The following MECOM variants were observed in gnomAD, a reference collection of about 807,000 sequenced individuals.
MECOM encodes MDS1 and EVI1 complex locus.
Under a neutral mutation model 116.3 loss-of-function variants are expected in MECOM, and 13 were observed. The observed-to-expected ratio is 0.11, with a 90% CI of 0.07 to 0.18. The LOEUF is 0.18. Ranked by LOEUF, MECOM falls within the 10% of genes least tolerant of loss-of-function variation. MECOM has a pLI of 1.00. For synonymous variants in MECOM, 528 were observed against 535.2 expected, an observed-to-expected ratio of 0.99 and a Z score of 0.19; for missense variants, 1,299 against 1,509.0, an observed-to-expected ratio of 0.86 and a Z score of 2.31.
At chr3:169,264,834 C>T (rs1274989336) in intron 2 of MECOM, among the ~76,000 whole-genome samples, 2 of 152,194 alleles carry the variant, frequency 1.3e-5, no homozygotes, top group African/African-American at 4.8e-5. Flanking sequence ...CCTCATCCTG[C>T]CAACTGACAG....
At chr3:169,662,712 C>A (rs1776465559) in intron 1 of MECOM, among the ~76,000 whole-genome samples, 1 of 152,066 alleles carries the variant, frequency 6.6e-6, no homozygotes, top group Non-Finnish European at 1.5e-5. Context: ...TCGGCGCAGT[C>A]CACCCGCCCG....
At chr3:169,236,298 C>T (rs915847652) in intron 2 of MECOM, among the ~76,000 whole-genome samples, 2 of 152,192 alleles carry the variant, frequency 1.3e-5, no homozygotes. Context: ...GCACATAAAA[C>T]TTGGAAAGGA....
intron 1 of MECOM, chr3:169,466,955 G>A (rs1748411166): frequency 6.6e-6 from 1 of 152,130 alleles, no homozygotes; most frequent in Admixed American, 6.6e-5. Context: ...AAGCTTCTGG[G>A]TTCTCAACAA....
chr3:169,351,352 T>C (rs1726292624), intron 2 of MECOM, among the ~76,000 whole-genome samples: 1 of 151,824 alleles, frequency 6.6e-6, no homozygotes, highest in Admixed American at 6.6e-5. Flanking sequence ...ATCTATATGA[T>C]AGATATTTTA....
intron 1 of MECOM, among the ~76,000 whole-genome samples, chr3:169,410,479 A>C (rs1737369545): frequency 6.6e-6 from 1 of 152,204 alleles, no homozygotes; most frequent in African/African-American, 2.4e-5. Context: ...CCTTCTTATA[A>C]GGAAGGACAA....
intron 1 of MECOM, among the ~76,000 whole-genome samples, chr3:169,598,655 G>A (rs1767445427): frequency 6.6e-6 from 1 of 152,134 alleles, no homozygotes; most frequent in Non-Finnish European, 1.5e-5. Flanking sequence ...CATAAAGGGG[G>A]GTAATGATAC....
At chr3:169,207,154 A>G (rs1167466554) in intron 2 of MECOM, among the ~76,000 whole-genome samples, 1 of 66,406 alleles carries the variant, frequency 1.5e-5, no homozygotes, top group East Asian at 4.9e-4. Flanking sequence ...GGTGTTCCTA[A>G]AATAGCTGAG....
chr3:169,511,775 A>G (rs896648384), intron 1 of MECOM, among the ~76,000 whole-genome samples: 4 of 152,090 alleles, frequency 2.6e-5, no homozygotes, highest in Non-Finnish European at 5.9e-5. Flanking sequence ...TCTTAAAAAA[A>G]AAAAGCACAA....
At chr3:169,270,899 A>C (rs976631364) in intron 2 of MECOM, among the ~76,000 whole-genome samples, 13 of 152,256 alleles carry the variant, frequency 8.5e-5, no homozygotes, top group African/African-American at 2.7e-4. Flanking sequence ...AGAGCCAAAC[A>C]AAACTTTAGT....
intron 1 of MECOM, among the ~76,000 whole-genome samples, chr3:169,646,962 T>G (rs1456845219): frequency 1.3e-5 from 2 of 152,244 alleles, no homozygotes; most frequent in African/African-American, 4.8e-5. Context: ...GACCAGCCCC[T>G]GTCATAAAAA....
intron 1 of MECOM, among the ~76,000 whole-genome samples, chr3:169,477,958 C>T (rs1016648893): frequency 6.6e-6 from 1 of 152,176 alleles, no homozygotes; most frequent in African/African-American, 2.4e-5. Context: ...GTCGGATAGA[C>T]AATTAAAGTG....
intron 1 of MECOM, among the ~76,000 whole-genome samples, chr3:169,521,800 G>T (rs7639151): frequency 0.026 from 3,887 of 152,260 alleles, 163 homozygotes; most frequent in African/African-American, 0.09. Flanking sequence ...ATATCCGTGG[G>T]TTCCATATCT....
intron 2 of MECOM, among the ~76,000 whole-genome samples, chr3:169,274,451 T>C (rs1759344235): frequency 6.6e-6 from 1 of 152,178 alleles, no homozygotes; most frequent in South Asian, 2.1e-4. Flanking sequence ...AAATACCTAC[T>C]AGCTGAATGT....
At chr3:169,216,709 T>C (rs1751467151) in intron 2 of MECOM, among the ~76,000 whole-genome samples, 1 of 152,152 alleles carries the variant, frequency 6.6e-6, no homozygotes, top group African/African-American at 2.4e-5. Flanking sequence ...TTGTGAAATT[T>C]CACAATATAT....
chr3:169,456,343 C>A lies in MECOM; in HGVS notation c.38-74819G>T, dbSNP rs74914351. 1.8e-3 allele frequency among the ~76,000 whole-genome samples: 281 copies of A among 152,314 alleles called. 5 individuals are homozygous for A. In the East Asian group the frequency reaches 0.048, roughly 26 times the overall value. On this transcript the variant is annotated intron_variant, in intron 1 of 16. Coordinates refer to ENST00000651503, the MANE Select transcript of MECOM (RefSeq NM_004991.4). ...TGAAAGTGATCATTGTCACGAAATTCATTTGCAGCAGAAGTGGGTTTAGAT... is the reference window on the plus strand; with the variant it reads ...TGAAAGTGATCATTGTCACGAAATTAATTTGCAGCAGAAGTGGGTTTAGAT...
At chr3:169,554,745 A>G (rs1285277757) in intron 1 of MECOM, among the ~76,000 whole-genome samples, 2 of 152,218 alleles carry the variant, frequency 1.3e-5, no homozygotes, top group Non-Finnish European at 2.9e-5. Context: ...TGGTTCATAT[A>G]CTAAAAATAA....
At chr3:169,380,513 A>G (rs1732218906) in intron 2 of MECOM, among the ~76,000 whole-genome samples, 1 of 152,170 alleles carries the variant, frequency 6.6e-6, no homozygotes, top group South Asian at 2.1e-4. Flanking sequence ...TAATTCTTAG[A>G]TGTTGCCAAA....
At chr3:169,509,382 A>G (rs1305643699) in intron 1 of MECOM, among the ~76,000 whole-genome samples, 2 of 152,234 alleles carry the variant, frequency 1.3e-5, no homozygotes, top group African/African-American at 4.8e-5. Context: ...ACCATTTTTA[A>G]GTGTATAGTT....
At chr3:169,659,848 G>A (rs972948881) in intron 1 of MECOM, among the ~76,000 whole-genome samples, 11 of 152,170 alleles carry the variant, frequency 7.2e-5, no homozygotes, top group Middle Eastern at 3.4e-3. Flanking sequence ...GAAAGGGTCG[G>A]CATCTACCTT....
Sources: gnomAD v4.1 joint callset for allele counts (sites outside exome capture counted in the v4.1 genomes callset) on GRCh38, gnomAD v4.1.1 for gene constraint, MANE v1.5 for transcripts, NCBI Gene and HGNC (gene_info 2026-07-23, HGNC 2026-07-21) for gene names.